EXOC7: variants seen among roughly 807,000 people sequenced by gnomAD.
EXOC7 encodes the protein exocyst complex component 7.
Under a neutral mutation model 87.6 loss-of-function variants are expected in EXOC7, and 51 were observed. The observed-to-expected ratio is 0.58, with a 90% confidence interval of 0.46 to 0.73. The LOEUF (loss-of-function observed/expected upper bound fraction) is 0.73, where lower values mean the gene tolerates loss of function less well. Ranked by LOEUF, EXOC7 falls within the 30% of genes least tolerant of loss-of-function variation. The probability of loss-of-function intolerance (pLI) is 0.00; values close to 1 mark genes in which losing one functional copy is unlikely to be tolerated. For missense variants in EXOC7, 744 were observed against 888.4 expected (o/e 0.84, Z 2.07); for synonymous variants, 327 against 357.1 (o/e 0.92, Z 0.95).
At position 76,089,293 on chromosome 17, in the gene EXOC7, G is replaced by A; in HGVS notation, c.929C>T (p.Thr310Ile). The change falls in exon 8 of 19, where the codon ACC becomes ATC. Residue 310 changes from threonine (T) to isoleucine (I), a missense_variant. Thr to Ile is a moderately conservative substitution (Grantham distance 89). This residue lies in a region of EXOC7 where 512 missense variants were observed against 573.0 expected (regional missense o/e 0.89). Transcript: ENST00000589210. ...ACTGACGCAGTGGATGTAGGCATCG[G>A]TCTCCACGTCCAGCATGTCATCTCT... ...EGRDDMLDVE[T>I]DAYIHCVSAF... The A allele has an allele frequency of 6.2e-7, 1 of 1,614,076 alleles. No individual in the cohort carries two copies. The highest frequency in any genetic ancestry group is 8.5e-7 in the Non-Finnish European group (1 of 1,179,996).
chr17:76,081,464 A>G lies in EXOC7; in HGVS notation c.*2184T>C, dbSNP rs1175462208. The G allele has an allele frequency of 1.2e-6, 2 of 1,611,096 alleles. No individual in the cohort carries two copies. The highest frequency in any genetic ancestry group is 1.7e-6 in the Non-Finnish European group (2 of 1,178,942). ...TGGAGGCGGGTGGGAGTGAGGATGC[A>G]CGGCCAGAGGCCAGGCCCCATGCCC... On this transcript the variant is annotated 3_prime_UTR_variant, in exon 19 of 19. Transcript: ENST00000589210.
intron 3 of EXOC7, 150 bp downstream of exon 3, chr17:76,101,529 G>A (rs2068061326): frequency 8.2e-6 from 11 of 1,337,704 alleles, no homozygotes; most frequent in Non-Finnish European, 1.1e-5. Flanking sequence ...GGCTTAAAAG[G>A]CGTCTCACTG....
rs1216604653 is a variant in EXOC7 at position 76,081,278 on chromosome 17, C to A, written c.*2370G>T. Reference sequence around the variant, plus strand: ...CATAGTTCTCATTCCCACCCCTCAGCGATGGAGTTAGAGTTCCAGGCCCAC... The same window carrying A: ...CATAGTTCTCATTCCCACCCCTCAGAGATGGAGTTAGAGTTCCAGGCCCAC... On this transcript the variant is annotated 3_prime_UTR_variant, in exon 19 of 19. Coordinates refer to ENST00000589210, the MANE Select transcript of EXOC7 (RefSeq NM_001013839.4). The A allele has an allele frequency of 1.2e-6, 2 of 1,613,596 alleles. No homozygotes were observed. The highest frequency in any genetic ancestry group is 1.1e-5 in the South Asian group (1 of 91,056).
intron 10 of EXOC7, 51 bp downstream of exon 10, chr17:76,088,413 C>G: frequency 6.4e-7 from 1 of 1,556,114 alleles, no homozygotes; most frequent in Non-Finnish European, 8.8e-7. Flanking sequence ...AGGGCCAGGT[C>G]ACTGTGGTGC....
chr17:76,082,628 C>T lies in EXOC7; in HGVS notation c.*1020G>A, dbSNP rs757981459. The T allele has an allele frequency of 1.2e-6, 2 of 1,612,756 alleles. No homozygotes were observed. Among genetic ancestry groups the T allele is most frequent in the East Asian group, 2.2e-5 (1 of 44,874 alleles). ...GACGCAGCCCCTGGAGAGGCTGCAC[C>T]CCATGGCAGGCGGCCTAGACTGTAA... On this transcript the variant is annotated 3_prime_UTR_variant, in exon 19 of 19. Coordinates refer to ENST00000589210, the MANE Select transcript of EXOC7 (RefSeq NM_001013839.4).
At chr17:76,094,708 A>G in intron 5 of EXOC7, 127 bp from the exon 6 acceptor site, 2 of 900,140 alleles carry the variant, frequency 2.2e-6, no homozygotes, top group Non-Finnish European at 3.3e-6. Flanking sequence ...GTCACAAGCC[A>G]CCCATATCTT....
At chr17:76,091,379 G>C (rs2067473812) in intron 6 of EXOC7, 144 bp from the exon 7 acceptor site, 1 of 641,308 alleles carries the variant, frequency 1.6e-6, no homozygotes, top group African/African-American at 1.8e-5. Context: ...CACCAGAGAC[G>C]CTGGGGACAA....
At position 76,084,556 on chromosome 17, in the gene EXOC7, G is replaced by A. The variant is rs377209076; in HGVS notation, c.1737C>T (p.Ile579=). Residue 579 remains isoleucine, a synonymous_variant, in exon 16 of 19, where the codon ATC becomes ATT. Coordinates refer to ENST00000589210, the MANE Select transcript of EXOC7 (RefSeq NM_001013839.4). ...QRSWLKVTDY[I]AEKNLPVFQP... ...GGAACACAGGTAGATTCTTCTCTGC[G>A]ATGTAATCAGTCACCTTTAACCAGC... 4 of 1,613,904 alleles carry A rather than the reference G, an allele frequency of 2.5e-6. No individual in the cohort carries two copies. The highest frequency in any genetic ancestry group is 2.7e-5 in the African/African-American group (2 of 75,042).
intron 1 of EXOC7, 42 bp from the exon 2 acceptor site, chr17:76,103,468 C>G: frequency 3.8e-6 from 6 of 1,567,900 alleles, no homozygotes; most frequent in Non-Finnish European, 5.2e-6. Context: ...AAACCAGAAG[C>G]TAAAGGAGAC....
In EXOC7 at chr17:76,081,193, A is replaced by T. The variant is rs2066953947; in HGVS notation, c.*2455T>A. 6.4e-7 allele frequency: 1 copy of T among 1,562,338 alleles called. No homozygotes were observed. Among genetic ancestry groups the T allele is most frequent in the Non-Finnish European group, 8.7e-7 (1 of 1,152,654 alleles). Reference sequence around the variant, plus strand: ...CCAAAAGCCATCAAAAGTCTCCATCACCCCTGGGCTCCAGTCTGCTACCCC... The same window carrying T: ...CCAAAAGCCATCAAAAGTCTCCATCTCCCCTGGGCTCCAGTCTGCTACCCC... On this transcript the variant is annotated 3_prime_UTR_variant, in exon 19 of 19. Transcript: ENST00000589210.
intron 5 of EXOC7, among the ~76,000 whole-genome samples, chr17:76,097,460 T>C (rs1390638043): frequency 1.3e-5 from 2 of 151,824 alleles, no homozygotes; most frequent in Non-Finnish European, 2.9e-5. Context: ...TCCCAGCACT[T>C]TGGGAGGCTG....
intron 12 of EXOC7, chr17:76,086,917 C>T (rs1205057834): frequency 1.3e-6 from 2 of 1,545,212 alleles, no homozygotes; most frequent in Non-Finnish European, 1.8e-6. Context: ...GCAGTGCACA[C>T]AGAGGGGACA....
At chr17:76,101,181 T>C (rs1479037103) in intron 4 of EXOC7, 90 bp downstream of exon 4, 1 of 1,610,464 alleles carries the variant, frequency 6.2e-7, no homozygotes, top group Non-Finnish European at 8.5e-7. Context: ...TTCTACTGCA[T>C]ACATCCTCAA....
intron 4 of EXOC7, among the ~76,000 whole-genome samples, chr17:76,099,815 G>C: frequency 6.6e-6 from 1 of 152,162 alleles, no homozygotes; most frequent in African/African-American, 2.4e-5. Context: ...AAAATATGAT[G>C]AAGGCAGGTA....
At chr17:76,083,853 C>A (rs979418094) in intron 18 of EXOC7, 103 bp from the exon 19 acceptor site, 3 of 1,494,006 alleles carry the variant, frequency 2.0e-6, no homozygotes, top group Non-Finnish European at 2.7e-6. Flanking sequence ...TGGCCCTGAG[C>A]GATTCCCTGT....
At chr17:76,102,266 G>T (rs760313968) in intron 2 of EXOC7, among the ~76,000 whole-genome samples, 1 of 152,092 alleles carries the variant, frequency 6.6e-6, no homozygotes, top group Non-Finnish European at 1.5e-5. Context: ...CCTCTCTAAG[G>T]ATGAAACTCA....
rs1172115028 is a variant in EXOC7 at position 76,085,647 on chromosome 17, G to A, written c.1616+30C>T. The A allele has an allele frequency of 6.2e-6, 10 of 1,613,788 alleles. No homozygotes were observed. In the African/African-American group the frequency reaches 1.3e-4, roughly 22 times the overall value. On this transcript the variant is annotated intron_variant, in intron 14 of 18. Transcript: ENST00000589210. Reference sequence around the variant, plus strand: ...CTGCACAGCCGAGGGGAAGGTGAGAGCCGCAGACTCACTCCCGCAGGCCAC... The same window carrying A: ...CTGCACAGCCGAGGGGAAGGTGAGAACCGCAGACTCACTCCCGCAGGCCAC...
At chr17:76,086,812 C>A (rs1266595453) in intron 12 of EXOC7, 4 of 1,542,624 alleles carry the variant, frequency 2.6e-6, no homozygotes, top group Admixed American at 2.0e-5. Flanking sequence ...ACCCACCAAG[C>A]TTCAGAGGGA....
chr17:76,095,271 C>CTTT (rs560955720), intron 5 of EXOC7, among the ~76,000 whole-genome samples: 1 of 139,142 alleles, frequency 7.2e-6, no homozygotes, highest in African/African-American at 2.6e-5. Context: ...TAGTTGTAAG[C>CTTT]TTTTTTTTTT....
Sources: gnomAD v4.1 joint callset for allele counts (sites outside exome capture counted in the v4.1 genomes callset) on GRCh38, gnomAD v4.1.1 for gene constraint, gnomAD v4.1.1 regional missense constraint, MANE v1.5 for transcripts, NCBI Gene and HGNC (gene_info 2026-07-23, HGNC 2026-07-21) for gene names.